The following C2CD5 variants were observed in gnomAD, a reference collection of about 807,000 sequenced individuals.
C2CD5 encodes C2 domain-containing protein 5.
C2CD5 carries 109 observed loss-of-function variants against 130.3 expected under a neutral mutation model. The ratio of observed to expected loss-of-function variants is 0.84; its 90% CI spans 0.72 to 0.98. The LOEUF is 0.98. Among genes scored for constraint, C2CD5 ranks in the 50% least tolerant of loss-of-function variants. The pLI is 0.00. For synonymous variants in C2CD5, 454 were observed against 429.2 expected (o/e 1.06, Z -0.71); for missense variants, 996 against 1,261.8 (o/e 0.79, Z 3.19).
intron 16 of C2CD5, 125 bp from the exon 17 acceptor site, chr12:22,472,932 G>C: frequency 1.6e-6 from 1 of 623,406 alleles, no homozygotes; most frequent in South Asian, 2.1e-5. Flanking sequence ...TATGTAACAA[G>C]AAAAAAATTC....
At chr12:22,488,732 T>C (rs1290503617) in intron 12 of C2CD5, among the ~76,000 whole-genome samples, 3 of 152,190 alleles carry the variant, frequency 2.0e-5, no homozygotes, top group Non-Finnish European at 4.4e-5. Context: ...TTTAAGGCTC[T>C]GGAATTCATA....
intron 2 of C2CD5, among the ~76,000 whole-genome samples, chr12:22,538,714 T>C (rs1477642450): frequency 1.3e-5 from 2 of 152,238 alleles, no homozygotes; most frequent in African/African-American, 2.4e-5. Flanking sequence ...ATTCATTCAA[T>C]TGAAATACAT....
intron 7 of C2CD5, among the ~76,000 whole-genome samples, chr12:22,522,451 C>T (rs755085208): frequency 4.6e-5 from 7 of 152,124 alleles, no homozygotes; most frequent in Non-Finnish European, 1.0e-4. Flanking sequence ...CACACACAGG[C>T]CAAATCAAGC....
In C2CD5 at chr12:22,472,871, GAACT is replaced by G. The variant is rs1943260600; in HGVS notation, c.2044-68_2044-65del. 7.4e-6 allele frequency: 7 copies of G among 942,132 alleles called. No homozygotes were observed. The African/African-American group carries it at 1.1e-4, about 15-fold the overall frequency. 58.4% of individuals were successfully genotyped at this position (942,132 alleles called of 1,614,324 possible). A position where few individuals can be genotyped will look rare whatever the true frequency, so the allele number is the denominator to read the frequency against. On this transcript the variant is annotated intron_variant, in intron 16 of 26. Transcript: ENST00000446597. ...TGCATAATTATTTCACGTTTTAAAA[GAACT>G]ATTAATAGAGTCAAGAAAAGGCAGA...
Position 22,478,386 on chromosome 12 carries a change from T to C in C2CD5, c.1829A>G (p.His610Arg). Residue 610 changes from histidine to arginine, a missense_variant, in exon 15 of 27, where the codon CAC becomes CGC. By Grantham distance (29) the His-to-Arg change is conservative. This residue lies in a region of C2CD5 where 590 missense variants were observed against 631.4 expected (regional missense o/e 0.93). Coordinates refer to ENST00000446597, the MANE Select transcript of C2CD5 (RefSeq NM_001286176.2). Reference sequence around the variant, plus strand: ...TATCTTCTTCTGCATATGAGAGATGTGTTGTTCATATGAGCCATCATTAGG... The same window carrying C: ...TATCTTCTTCTGCATATGAGAGATGCGTTGTTCATATGAGCCATCATTAGG... ...KTPNDGSYEQ[H>R]ISHMQKKIND... 2 of 1,611,254 alleles carry C rather than the reference T, an allele frequency of 1.2e-6. No homozygotes were observed. The highest frequency in any genetic ancestry group is 1.7e-6 in the Non-Finnish European group (2 of 1,177,374).
intron 8 of C2CD5, chr12:22,514,988 A>G (rs1282053419): frequency 1.0e-6 from 1 of 985,240 alleles, no homozygotes; most frequent in Non-Finnish European, 1.2e-6. Flanking sequence ...CTCTTCACTG[A>G]AAGAAACACT....
rs563573410 is a variant in C2CD5, at chr12:22,517,732, T to C, written c.952+254A>G. 3.9e-5 allele frequency among the ~76,000 whole-genome samples: 6 copies of C among 152,314 alleles called. No individual in the cohort carries two copies. The South Asian group carries it at 1.2e-3, about 32-fold the overall frequency. On this transcript the variant is annotated intron_variant, in intron 8 of 26. Transcript: ENST00000446597. Reference sequence around the variant, plus strand: ...TTTAATTCGAGCATAAAATGAAAAATGTCTACATGCCAAAATAAATCGTGG... The same window carrying C: ...TTTAATTCGAGCATAAAATGAAAAACGTCTACATGCCAAAATAAATCGTGG...
intron 10 of C2CD5, among the ~76,000 whole-genome samples, chr12:22,500,453 C>T (rs376799503): frequency 1.2e-4 from 19 of 152,242 alleles, no homozygotes; most frequent in African/African-American, 3.9e-4. Context: ...ATGTGATTCT[C>T]CCATCTATCC....
chr12:22,523,374 T>G, intron 7 of C2CD5, 52 bp downstream of exon 7: 1 of 1,407,888 alleles, frequency 7.1e-7, no homozygotes, highest in Non-Finnish European at 1.0e-6. Flanking sequence ...TGAAAAAGCA[T>G]AGATAAAAGA....
At chr12:22,517,095 T>A (rs1949804434) in intron 8 of C2CD5, among the ~76,000 whole-genome samples, 1 of 151,958 alleles carries the variant, frequency 6.6e-6, no homozygotes, top group Admixed American at 6.5e-5. Flanking sequence ...TTTAGACTTC[T>A]TTTCCTTGTT....
chr12:22,478,002 C>T (rs974660151), intron 15 of C2CD5: 23 of 279,938 alleles, frequency 8.2e-5, no homozygotes, highest in African/African-American at 5.2e-4. Flanking sequence ...ACCAACAAAA[C>T]ACACACACTC....
At chr12:22,527,947 C>T in intron 3 of C2CD5, 55 bp from the exon 4 acceptor site, 1 of 1,040,572 alleles carries the variant, frequency 9.6e-7, no homozygotes, top group Admixed American at 2.3e-5. Context: ...TTAATTACCA[C>T]AAATGTATAC....
chr12:22,484,888 C>A lies in C2CD5; in HGVS notation c.1359G>T (p.Arg453Ser). The A allele has an allele frequency of 1.4e-6, 2 of 1,446,248 alleles. No homozygotes were observed. The highest frequency in any genetic ancestry group is 9.3e-7 in the Non-Finnish European group (1 of 1,079,670). 89.6% of individuals were successfully genotyped at this position (1,446,248 alleles called of 1,614,324 possible). ...AACGTGTAGGCAAATTTTCTTCAAG[C>A]CTATATAAATAAATAAAAAAATAAG... ...DGTVEGCLEQ[R>S]LEENLPTRCG... Residue 453 changes from arginine (R) to serine (S), a missense_variant and splice_region_variant, in exon 13 of 27, where the codon AGG (arginine) becomes AGT (serine). Coordinates refer to ENST00000446597, the MANE Select transcript of C2CD5 (RefSeq NM_001286176.2).
At chr12:22,494,598 C>G (rs1381236000) in intron 10 of C2CD5, among the ~76,000 whole-genome samples, 1 of 151,916 alleles carries the variant, frequency 6.6e-6, no homozygotes, top group Non-Finnish European at 1.5e-5. Flanking sequence ...ATGATGCCAG[C>G]CAGTTCTTGA....
intron 15 of C2CD5, 133 bp from the exon 16 acceptor site, chr12:22,475,024 G>C: frequency 1.9e-6 from 1 of 514,254 alleles, no homozygotes; most frequent in Non-Finnish European, 3.2e-6. Flanking sequence ...CCGTACTTAA[G>C]TATAACCTTT....
intron 7 of C2CD5, among the ~76,000 whole-genome samples, chr12:22,520,413 G>A (rs1950168373): frequency 6.6e-6 from 1 of 152,076 alleles, no homozygotes; most frequent in Non-Finnish European, 1.5e-5. Flanking sequence ...GATCATAATA[G>A]TCCTTCCTAA....
intron 25 of C2CD5, among the ~76,000 whole-genome samples, chr12:22,454,874 A>C (rs989624383): frequency 6.6e-6 from 1 of 152,208 alleles, no homozygotes; most frequent in Non-Finnish European, 1.5e-5. Flanking sequence ...GCATATAATA[A>C]GAATTCCATA....
intron 7 of C2CD5, among the ~76,000 whole-genome samples, chr12:22,519,405 T>G (rs1207432153): frequency 6.6e-6 from 1 of 152,072 alleles, no homozygotes; most frequent in Admixed American, 6.5e-5. Context: ...AGCTAAATAT[T>G]AATTTGTTAG....
chr12:22,540,377 ACTTAC>A (rs1211505805), intron 2 of C2CD5, among the ~76,000 whole-genome samples: 1 of 152,214 alleles, frequency 6.6e-6, no homozygotes, highest in Non-Finnish European at 1.5e-5. Context: ...TCTTTTACTT[ACTTAC>A]CTTATTTATG....
Sources: gnomAD v4.1 joint callset for allele counts (sites outside exome capture counted in the v4.1 genomes callset) on GRCh38, gnomAD v4.1.1 for gene constraint, gnomAD v4.1.1 regional missense constraint, MANE v1.5 for transcripts, NCBI Gene and HGNC (gene_info 2026-07-23, HGNC 2026-07-21) for gene names.